Variants in ICA1L observed in about 807,000 individuals in gnomAD.
The protein encoded by ICA1L is islet cell autoantigen 1 like.
ICA1L carries 50 observed loss-of-function variants against 61.3 expected under a neutral mutation model. The observed-to-expected ratio is 0.82, with a 90% confidence interval of 0.65 to 1.03. ICA1L has a LOEUF of 1.03. Among genes scored for constraint, ICA1L ranks in the 50% least tolerant of loss-of-function variants. ICA1L has a pLI of 0.00. For missense variants in ICA1L, 508 were observed against 556.7 expected, an observed-to-expected ratio of 0.91 and a Z score of 0.88; for synonymous variants, 161 against 191.3, an observed-to-expected ratio of 0.84 and a Z score of 1.31.
chr2:202,796,296 G>C (rs1020720031), intron 10 of ICA1L, among the ~76,000 whole-genome samples: 2 of 152,030 alleles, frequency 1.3e-5, no homozygotes, highest in African/African-American at 4.8e-5. Flanking sequence ...GTATTTAAAA[G>C]CTTTAAAAAA....
intron 1 of ICA1L, among the ~76,000 whole-genome samples, chr2:202,862,272 C>CCAAA (rs1462555700): frequency 0.027 from 1,700 of 62,936 alleles, 626 homozygotes; most frequent in East Asian, 0.04. Context: ...CTCATTTCTA[C>CCAAA]AAAAAAAAAA....
chr2:202,784,581 A>G (rs562813977), intron 12 of ICA1L, among the ~76,000 whole-genome samples: 7 of 152,312 alleles, frequency 4.6e-5, no homozygotes, highest in African/African-American at 1.7e-4. Flanking sequence ...AAAAAATGTG[A>G]TCCATGGATC....
chr2:202,867,614 A>G (rs1476602089), intron 1 of ICA1L, among the ~76,000 whole-genome samples: 1 of 152,256 alleles, frequency 6.6e-6, no homozygotes, highest in Non-Finnish European at 1.5e-5. Context: ...AATGGCCATT[A>G]AGCACATAAA....
intron 11 of ICA1L, among the ~76,000 whole-genome samples, chr2:202,788,181 T>C (rs1333188816): frequency 6.6e-6 from 1 of 152,196 alleles, no homozygotes; most frequent in African/African-American, 2.4e-5. Flanking sequence ...AATCTGCTGC[T>C]TGAAGAGAGA....
At chr2:202,810,021 A>G (rs946050959) in intron 9 of ICA1L, among the ~76,000 whole-genome samples, 18 of 152,210 alleles carry the variant, frequency 1.2e-4, no homozygotes, top group African/African-American at 4.3e-4. Context: ...ATTTAACCCA[A>G]AGAAGACTAC....
chr2:202,848,372 C>T (rs1466137839), intron 1 of ICA1L, among the ~76,000 whole-genome samples: 4 of 152,236 alleles, frequency 2.6e-5, no homozygotes, highest in South Asian at 2.1e-4. Context: ...TAAAAGGAAC[C>T]GAAACAAGTT....
intron 1 of ICA1L, among the ~76,000 whole-genome samples, chr2:202,869,283 G>A (rs1369482734): frequency 6.6e-6 from 1 of 151,942 alleles, no homozygotes; most frequent in African/African-American, 2.4e-5. Context: ...GCGTGAACCC[G>A]GGAGGCGGAG....
At chr2:202,866,656 T>C (rs1687522519) in intron 1 of ICA1L, among the ~76,000 whole-genome samples, 1 of 152,132 alleles carries the variant, frequency 6.6e-6, no homozygotes, top group African/African-American at 2.4e-5. Flanking sequence ...TTTAAAACTG[T>C]AAAACTCCCG....
At chr2:202,834,435 C>T (rs1291075789) in intron 1 of ICA1L, among the ~76,000 whole-genome samples, 1 of 152,050 alleles carries the variant, frequency 6.6e-6, no homozygotes, top group East Asian at 1.9e-4. Context: ...TCAAGACCAG[C>T]GTGGGCAACA....
chr2:202,832,632 A>C (rs1001085868), intron 1 of ICA1L, among the ~76,000 whole-genome samples: 1 of 152,226 alleles, frequency 6.6e-6, no homozygotes, highest in East Asian at 1.9e-4. Flanking sequence ...AATTCACTGC[A>C]GCTGGATGTG....
At chr2:202,856,727 AAACCCC>A (rs1694780415) in intron 1 of ICA1L, among the ~76,000 whole-genome samples, 1 of 152,232 alleles carries the variant, frequency 6.6e-6, no homozygotes, top group African/African-American at 2.4e-5. Context: ...TACATTTAGA[AAACCCC>A]ATCATCTCAG....
chr2:202,864,599 G>A (rs1184645093), intron 1 of ICA1L, among the ~76,000 whole-genome samples: 2 of 151,358 alleles, frequency 1.3e-5, no homozygotes, highest in East Asian at 3.9e-4. Flanking sequence ...GTGTGTGTAT[G>A]TATGTATATG....
chr2:202,798,463 A>T (rs185442521), intron 9 of ICA1L, among the ~76,000 whole-genome samples: 2 of 152,200 alleles, frequency 1.3e-5, no homozygotes, highest in Non-Finnish European at 2.9e-5. Context: ...CAAGTTTTGA[A>T]CTTCTGGGCT....
At chr2:202,870,047 A>G (rs1475034978) in intron 1 of ICA1L, among the ~76,000 whole-genome samples, 2 of 152,224 alleles carry the variant, frequency 1.3e-5, no homozygotes, top group Non-Finnish European at 1.5e-5. Context: ...GAATATAAAA[A>G]GAATAAAATT....
intron 1 of ICA1L, chr2:202,829,318 C>T (rs998128529): frequency 5.6e-6 from 1 of 179,058 alleles, no homozygotes; most frequent in African/African-American, 2.3e-5. Context: ...CCACTGCACT[C>T]CAGCCTGGGA....
intron 5 of ICA1L, among the ~76,000 whole-genome samples, chr2:202,817,921 T>C (rs980568660): frequency 6.6e-6 from 1 of 152,234 alleles, no homozygotes; most frequent in Non-Finnish European, 1.5e-5. Context: ...GAAACATTAA[T>C]AATATTTCTG....
chr2:202,794,523 T>G (rs1692857617), intron 10 of ICA1L, among the ~76,000 whole-genome samples: 1 of 152,114 alleles, frequency 6.6e-6, no homozygotes, highest in Non-Finnish European at 1.5e-5. Flanking sequence ...TAGTTAACAT[T>G]GTTCTGAAGG....
intron 1 of ICA1L, among the ~76,000 whole-genome samples, chr2:202,861,640 A>T (rs2105889411): frequency 6.6e-6 from 1 of 151,374 alleles, no homozygotes; most frequent in Non-Finnish European, 1.5e-5. Flanking sequence ...TAATCCCAGA[A>T]CTTTGGGAGG....
At chr2:202,859,888 G>A (rs1309923817) in intron 1 of ICA1L, among the ~76,000 whole-genome samples, 1 of 152,018 alleles carries the variant, frequency 6.6e-6, no homozygotes, top group African/African-American at 2.4e-5. Flanking sequence ...TCCCCAGAAA[G>A]CTAAAAATGG....
Sources: gnomAD v4.1 joint callset for allele counts (sites outside exome capture counted in the v4.1 genomes callset) on GRCh38, gnomAD v4.1.1 for gene constraint, MANE v1.5 for transcripts, NCBI Gene and HGNC (gene_info 2026-07-23, HGNC 2026-07-21) for gene names.